CFAP91: variants seen among roughly 807,000 people sequenced by gnomAD.
CFAP91 encodes cilia and flagella associated protein 91, also known as cilia- and flagella-associated protein 91.
A neutral mutation model predicts 95.9 loss-of-function variants in CFAP91; 85 were observed. The observed-to-expected ratio is 0.89, with a 90% CI of 0.74 to 1.06. The LOEUF (loss-of-function observed/expected upper bound fraction) is 1.06. CFAP91 is among the 50% of genes least tolerant of loss of function. CFAP91 has a pLI of 0.00. For synonymous variants in CFAP91, 335 were observed against 327.5 expected (o/e 1.02, Z -0.25); for missense variants, 962 against 943.4 (o/e 1.02, Z -0.26).
At chr3:119,749,962 C>T (rs934774528) in intron 16 of CFAP91, among the ~76,000 whole-genome samples, 1 of 152,172 alleles carries the variant, frequency 6.6e-6, no homozygotes, top group Non-Finnish European at 1.5e-5. Context: ...CAATTTCTTT[C>T]AAGAGTTGTA....
In CFAP91 at chr3:119,767,040, CT is replaced by C. The variant is rs1250133116; in HGVS notation, c.*1991del. The C allele has an allele frequency of 1.3e-5, 2 of 152,138 alleles. No individual in the cohort carries two copies. Among genetic ancestry groups the C allele is most frequent in the African/African-American group, 2.4e-5 (1 of 41,440 alleles). 9.4% of individuals were successfully genotyped at this position (152,138 alleles called of 1,614,324 possible). A position where few individuals can be genotyped will look rare whatever the true frequency, so the allele number is the denominator to read the frequency against. ...CTTGAGTTAAAATGCTCCAACTTTT[CT>C]AATTTTTGCTTTTGAAAATAAAACA... On this transcript the variant is annotated 3_prime_UTR_variant, in exon 18 of 18. Coordinates refer to ENST00000273390, the MANE Select transcript of CFAP91 (RefSeq NM_033364.4).
chr3:119,715,917 A>G (rs1360241450), intron 6 of CFAP91, 174 bp downstream of exon 6: 2 of 617,924 alleles, frequency 3.2e-6, no homozygotes, highest in African/African-American at 3.7e-5. Flanking sequence ...AAATAAAGAT[A>G]CTATCTTTTT....
At chr3:119,703,302 G>C in intron 1 of CFAP91, 80 bp downstream of exon 1, 2 of 1,572,000 alleles carry the variant, frequency 1.3e-6, no homozygotes, top group East Asian at 2.3e-5. Context: ...ACCTGGCCAG[G>C]GGCATGGCGA....
At chr3:119,709,994 T>C in intron 5 of CFAP91, 99 bp downstream of exon 5, 2 of 931,324 alleles carry the variant, frequency 2.1e-6, no homozygotes, top group Non-Finnish European at 3.4e-6. Flanking sequence ...ATTTTTCAAA[T>C]TGTGGATCAC....
chr3:119,727,443 A>G (rs1054079148), intron 7 of CFAP91, among the ~76,000 whole-genome samples: 2 of 152,234 alleles, frequency 1.3e-5, no homozygotes, highest in African/African-American at 4.8e-5. Flanking sequence ...TTAAAAATGT[A>G]TCTGGCCAGA....
intron 15 of CFAP91, chr3:119,747,588 AC>A: frequency 6.9e-6 from 4 of 579,170 alleles, no homozygotes; most frequent in Non-Finnish European, 1.2e-5. Flanking sequence ...TGTGTTTCCA[AC>A]ATTCCCTTCC....
intron 17 of CFAP91, among the ~76,000 whole-genome samples, chr3:119,758,702 G>A (rs965004715): frequency 1.3e-5 from 2 of 152,054 alleles, no homozygotes; most frequent in Admixed American, 1.3e-4. Flanking sequence ...TATAATTGTG[G>A]ATGGATACCA....
At chr3:119,738,521 A>G (rs1007153836) in intron 11 of CFAP91, among the ~76,000 whole-genome samples, 2 of 150,144 alleles carry the variant, frequency 1.3e-5, no homozygotes, top group African/African-American at 4.9e-5. Flanking sequence ...GCTAATTTTT[A>G]TAGTTTTAGT....
intron 15 of CFAP91, 119 bp from the exon 16 acceptor site, chr3:119,747,692 A>T: frequency 1.2e-6 from 1 of 803,576 alleles, no homozygotes; most frequent in South Asian, 1.9e-5. Flanking sequence ...CAGATCACTT[A>T]ATCAAGGAAA....
chr3:119,713,295 A>G (rs2053509776), intron 5 of CFAP91: 1 of 151,226 alleles, frequency 6.6e-6, no homozygotes, highest in African/African-American at 2.4e-5. Flanking sequence ...AATTTTTTGT[A>G]TCTTTAGTAG....
chr3:119,741,034 T>G (rs965778546), intron 13 of CFAP91, among the ~76,000 whole-genome samples: 4 of 152,152 alleles, frequency 2.6e-5, no homozygotes, highest in Non-Finnish European at 5.9e-5. Context: ...GTATTCTTAG[T>G]AGAGATGGGG....
chr3:119,740,729 G>C, intron 13 of CFAP91, 34 bp downstream of exon 13: 1 of 1,592,740 alleles, frequency 6.3e-7, no homozygotes, highest in Non-Finnish European at 8.6e-7. Flanking sequence ...TTACTTTCTT[G>C]TTAAATTTTC....
chr3:119,747,310 G>A (rs774046100), intron 15 of CFAP91, 47 bp downstream of exon 15: 49 of 1,566,602 alleles, frequency 3.1e-5, no homozygotes, highest in Non-Finnish European at 4.1e-5. Context: ...CCATTTGCTG[G>A]TACTCATATA....
chr3:119,706,790 T>G lies in CFAP91; in HGVS notation c.125-19T>G, dbSNP rs144509123. On this transcript the variant is annotated intron_variant, in intron 1 of 17. Transcript: ENST00000273390. ...AGATATGTTCTATCTGTTATGCTACTTGATTGTTTATTTTGCAGATCCATT... is the reference window on the plus strand; with the variant it reads ...AGATATGTTCTATCTGTTATGCTACGTGATTGTTTATTTTGCAGATCCATT... The G allele has an allele frequency of 8.5e-4, 1,347 of 1,592,766 alleles. 9 individuals are homozygous for G. In the African/African-American group the frequency reaches 0.016, roughly 19 times the overall value.
intron 7 of CFAP91, among the ~76,000 whole-genome samples, chr3:119,728,436 G>A (rs1013844107): frequency 6.6e-6 from 1 of 151,502 alleles, no homozygotes. Context: ...AGAGCACTTC[G>A]TGTATACATT....
chr3:119,764,222 T>C (rs922076184), intron 17 of CFAP91, among the ~76,000 whole-genome samples: 2 of 152,112 alleles, frequency 1.3e-5, no homozygotes, highest in African/African-American at 4.8e-5. Flanking sequence ...ATATCAACTT[T>C]TCCCAAACAA....
intron 3 of CFAP91, 111 bp downstream of exon 3, chr3:119,707,672 C>A: frequency 1.1e-6 from 1 of 948,142 alleles, no homozygotes; most frequent in Non-Finnish European, 1.4e-6. Flanking sequence ...ATACCTAGGC[C>A]AAATTTTCTT....
At chr3:119,711,579 T>A (rs2053474629) in intron 5 of CFAP91, among the ~76,000 whole-genome samples, 1 of 152,230 alleles carries the variant, frequency 6.6e-6, no homozygotes, top group Non-Finnish European at 1.5e-5. Flanking sequence ...ACCATGACAT[T>A]TGACATTGTA....
intron 14 of CFAP91, among the ~76,000 whole-genome samples, chr3:119,744,438 G>A (rs2054184810): frequency 6.6e-6 from 1 of 152,164 alleles, no homozygotes; most frequent in Non-Finnish European, 1.5e-5. Context: ...ACTGTAATGA[G>A]TTCCATGAAG....
Sources: gnomAD v4.1 joint callset for allele counts (sites outside exome capture counted in the v4.1 genomes callset) on GRCh38, gnomAD v4.1.1 for gene constraint, MANE v1.5 for transcripts, NCBI Gene and HGNC (gene_info 2026-07-23, HGNC 2026-07-21) for gene names.